NDOR1: variants seen among roughly 807,000 people sequenced by gnomAD.
NDOR1 encodes NADPH-dependent diflavin oxidoreductase 1.
In NDOR1, 61 loss-of-function variants were observed where a neutral mutation model predicts 67.2. The ratio of observed to expected loss-of-function variants is 0.91; its 90% CI spans 0.74 to 1.12. The LOEUF (loss-of-function observed/expected upper bound fraction) is 1.12. Among genes scored for constraint, NDOR1 ranks in the 50% most tolerant of loss-of-function variants. NDOR1 has a pLI of 0.00. For synonymous variants in NDOR1, 378 were observed against 343.7 expected, an observed-to-expected ratio of 1.10 and a Z score of -1.10; for missense variants, 878 against 802.8, an observed-to-expected ratio of 1.09 and a Z score of -1.13.
intron 2 of NDOR1, among the ~76,000 whole-genome samples, chr9:137,210,370 G>A (rs544842644): frequency 2.9e-4 from 44 of 151,676 alleles, no homozygotes; most frequent in Middle Eastern, 3.4e-3. Flanking sequence ...CTGCAGGTGC[G>A]CACCACCACA....
chr9:137,218,236 C>G lies in NDOR1; in HGVS notation c.*1820C>G. 2.5e-6 allele frequency: 1 copy of G among 398,354 alleles called. No homozygotes were observed. The highest frequency in any genetic ancestry group is 4.4e-6 in the Non-Finnish European group (1 of 225,850). The allele number at this position is 398,354 out of a possible 1,614,324, so 24.7% of individuals were successfully genotyped here. A position where few individuals can be genotyped will look rare whatever the true frequency, so the allele number is the denominator to read the frequency against. ...GCCCGCTGTGCCGCCAGAAGACGCC[C>G]GTGCTGGAATGGGAGATCTGCCGGC... is the stretch of plus-strand genomic sequence containing the variant. On this transcript the variant is annotated 3_prime_UTR_variant, in exon 14 of 14. Transcript: ENST00000684003.
rs1320123713 is a variant in NDOR1, at chr9:137,215,535, C to G, written c.1288+14C>G. On this transcript the variant is annotated intron_variant, in intron 10 of 13. Coordinates refer to ENST00000684003, the MANE Select transcript of NDOR1 (RefSeq NM_014434.4). ...ACCCTGGGCAAGGTGACCCCTGCTC[C>G]CAGGGTGGGGGCCGTGGGCCCATAT... 3 of 1,612,714 alleles carry G rather than the reference C, an allele frequency of 1.9e-6. No individual in the cohort carries two copies. Among genetic ancestry groups the G allele is most frequent in the Non-Finnish European group, 2.5e-6 (3 of 1,179,736 alleles).
intron 2 of NDOR1, among the ~76,000 whole-genome samples, chr9:137,206,712 C>T (rs977308601): frequency 2.0e-5 from 3 of 152,162 alleles, no homozygotes; most frequent in Non-Finnish European, 4.4e-5. Context: ...TCCATCCTGG[C>T]AGAGTTCACA....
chr9:137,212,076 AC>A lies in NDOR1; in HGVS notation c.214-424del, dbSNP rs1835288108. On this transcript the variant is annotated intron_variant, in intron 2 of 13. Transcript: ENST00000684003. This position sits in a 1 kb window ranked among gnomAD's most constrained non-coding sequence, Gnocchi z 4.3. ...CTGAGTATAGGAGCCTCTGGGACAG[AC>A]CAACTCAGGGAGTGGAGGCCCACGC... Among the ~76,000 whole-genome samples, 1 of 152,102 alleles carries A rather than the reference AC, an allele frequency of 6.6e-6. No homozygotes were observed. Among genetic ancestry groups the A allele is most frequent in the African/African-American group, 2.4e-5 (1 of 41,422 alleles).
In NDOR1 at chr9:137,215,167, C is replaced by T. The variant is rs758365267; in HGVS notation, c.1138C>T (p.Arg380Trp). Residue 380 changes from arginine (R) to tryptophan (W), a missense_variant, in exon 9 of 14, where the codon CGG (arginine) becomes TGG (tryptophan). Coordinates refer to ENST00000684003, the MANE Select transcript of NDOR1 (RefSeq NM_014434.4). Reference sequence around the variant, plus strand: ...CCTGTTGGACCTCATCCCCGTTATCCGGCCGAGGGCCTTCTCCATCGCCTC... The same window carrying T: ...CCTGTTGGACCTCATCCCCGTTATCTGGCCGAGGGCCTTCTCCATCGCCTC... ...DYLLDLIPVI[R>W]PRAFSIASSL... The T allele has an allele frequency of 5.0e-6, 8 of 1,613,020 alleles. No individual in the cohort carries two copies. In the Admixed American group the frequency reaches 5.0e-5, roughly 10 times the overall value.
In NDOR1 at chr9:137,212,005, C is replaced by T. The variant is rs189476844; in HGVS notation, c.214-497C>T. Reference sequence around the variant, plus strand: ...GGGATGTGTCTCAGCGACACTGGAACCTCAGAGGGCCGAGTGTGAGAGCCC... The same window carrying T: ...GGGATGTGTCTCAGCGACACTGGAATCTCAGAGGGCCGAGTGTGAGAGCCC... On this transcript the variant is annotated intron_variant, in intron 2 of 13. Coordinates refer to ENST00000684003, the MANE Select transcript of NDOR1 (RefSeq NM_014434.4). This position sits in a 1 kb window ranked among gnomAD's most constrained non-coding sequence, Gnocchi z 4.3. 6.6e-6 allele frequency among the ~76,000 whole-genome samples: 1 copy of T among 152,238 alleles called. No homozygotes were observed. Among genetic ancestry groups the T allele is most frequent in the East Asian group, 1.9e-4 (1 of 5,174 alleles).
In NDOR1 at chr9:137,215,456, C is replaced by T. The variant is rs763861530; in HGVS notation, c.1223C>T (p.Thr408Ile). Residue 408 changes from threonine to isoleucine, a missense_variant, in exon 10 of 14, where the codon ACT becomes ATT. Thr to Ile is a moderately conservative substitution (Grantham distance 89). Transcript: ENST00000684003. ...CTCGTGGCTGTAGTGCAGTTCCAGACTCGCCTCAAGGAGCCCCGCCGGGGC... is the reference window on the plus strand; with the variant it reads ...CTCGTGGCTGTAGTGCAGTTCCAGATTCGCCTCAAGGAGCCCCGCCGGGGC... Reference protein sequence around the residue: ...QILVAVVQFQTRLKEPRRGLC... With the variant: ...QILVAVVQFQIRLKEPRRGLC... 1.2e-6 allele frequency: 2 copies of T among 1,613,416 alleles called. No individual in the cohort carries two copies. The highest frequency in any genetic ancestry group is 1.7e-6 in the Non-Finnish European group (2 of 1,179,960).
Position 137,214,979 on chromosome 9 carries a change from CT to C in NDOR1, c.1029del (p.Phe343LeufsTer49). 1.2e-6 allele frequency: 2 copies of C among 1,613,462 alleles called. No individual in the cohort carries two copies. The highest frequency in any genetic ancestry group is 1.7e-6 in the Non-Finnish European group (2 of 1,179,750). ...FSSAQGQEEL[F>X]EYCNRPRRTI... ...GTTCTGCCCAAGGCCAGGAGGAGCT[CT>C]TTGAATACTGCAACCGGCCCCGCAG... On this transcript the variant is annotated frameshift_variant, in exon 8 of 14. Coordinates refer to ENST00000684003, the MANE Select transcript of NDOR1 (RefSeq NM_014434.4). LOFTEE classifies it high-confidence loss of function.
Position 137,218,866 on chromosome 9 carries a change from G to C in NDOR1, c.*2450G>C. Reference sequence around the variant, plus strand: ...CACCAGCGCCCAAGGACAGCTCCTGGAGGAGGCCAGCCCAGCAGGAAAGTC... The same window carrying C: ...CACCAGCGCCCAAGGACAGCTCCTGCAGGAGGCCAGCCCAGCAGGAAAGTC... On this transcript the variant is annotated 3_prime_UTR_variant, in exon 14 of 14. Transcript: ENST00000684003. The C allele has an allele frequency of 2.6e-6, 1 of 380,432 alleles. No individual in the cohort carries two copies. The highest frequency in any genetic ancestry group is 4.7e-6 in the Non-Finnish European group (1 of 214,982). The allele number at this position is 380,432 out of a possible 1,614,324, so 23.6% of individuals were successfully genotyped here. A position where few individuals can be genotyped will look rare whatever the true frequency, so the allele number is the denominator to read the frequency against.
In NDOR1 at chr9:137,212,275, G is replaced by T. The variant is rs1416877183; in HGVS notation, c.214-227G>T. On this transcript the variant is annotated intron_variant, in intron 2 of 13. Transcript: ENST00000684003. This position sits in a 1 kb window ranked among gnomAD's most constrained non-coding sequence, Gnocchi z 4.3. Reference sequence around the variant, plus strand: ...GCACAGCAGGGTCTGGCTCCTGTGGGCAGGGTGGGACCTGGTCTCCCTAGA... The same window carrying T: ...GCACAGCAGGGTCTGGCTCCTGTGGTCAGGGTGGGACCTGGTCTCCCTAGA... Among the ~76,000 whole-genome samples the T allele has an allele frequency of 6.6e-6, 1 of 152,144 alleles. No homozygotes were observed. The highest frequency in any genetic ancestry group is 1.5e-5 in the Non-Finnish European group (1 of 68,004).
In NDOR1 at chr9:137,216,705, C is replaced by T. The variant is rs959854989; in HGVS notation, c.*289C>T. ...TCCCAGTCAAGGTGGTGGCCTGGGC[C>T]GCTCCACCTCACCGGTGCAGTGACC... On this transcript the variant is annotated 3_prime_UTR_variant, in exon 14 of 14. Coordinates refer to ENST00000684003, the MANE Select transcript of NDOR1 (RefSeq NM_014434.4). 2.7e-5 allele frequency: 13 copies of T among 474,642 alleles called. No individual in the cohort carries two copies. Among genetic ancestry groups the T allele is most frequent in the East Asian group, 4.0e-5 (1 of 25,056 alleles). The allele number at this position is 474,642 out of a possible 1,614,324, so 29.4% of individuals were successfully genotyped here.
At position 137,215,785 on chromosome 9, in the gene NDOR1, G is replaced by A. The variant is rs775944305; in HGVS notation, c.1415G>A (p.Arg472His). The A allele has an allele frequency of 1.0e-5, 16 of 1,596,146 alleles. No individual in the cohort carries two copies. The highest frequency in any genetic ancestry group is 2.2e-5 in the East Asian group (1 of 44,732). Residue 472 changes from arginine (R) to histidine (H), a missense_variant, in exon 11 of 14, where the codon CGT becomes CAT. Physicochemically the swap from Arg to His is conservative, Grantham distance 29. Transcript: ENST00000684003. ...CCCTTCCGAGCAGCCATCCAGGAGC[G>A]TGTGGCCCAGGGCCAGACTGGTGAG... Reference protein sequence around the residue: ...VAPFRAAIQERVAQGQTGNFL... With the variant: ...VAPFRAAIQEHVAQGQTGNFL...
rs374525491 is a variant in NDOR1 at position 137,215,188 on chromosome 9, G to A, written c.1159G>A (p.Ala387Thr). The A allele has an allele frequency of 4.1e-5, 66 of 1,611,854 alleles. No individual in the cohort carries two copies. The highest frequency in any genetic ancestry group is 3.3e-4 in the Middle Eastern group (2 of 6,060). ...TATCCGGCCGAGGGCCTTCTCCATC[G>A]CCTCCTCGCTGCTGGTGAGGGGCCT... ...PVIRPRAFSIASSLLTHPSRL... is the reference protein window; with the variant it reads ...PVIRPRAFSITSSLLTHPSRL... Residue 387 changes from alanine to threonine, a missense_variant, in exon 9 of 14, where the codon GCC becomes ACC. Transcript: ENST00000684003.
At chr9:137,213,737 C>G in intron 3 of NDOR1, 43 bp from the exon 4 acceptor site, 3 of 1,585,232 alleles carry the variant, frequency 1.9e-6, no homozygotes, top group Non-Finnish European at 2.6e-6. Flanking sequence ...GCACCACTCT[C>G]CGCCCGGGCT....
Position 137,216,422 on chromosome 9 carries a change from G to A in NDOR1, c.*6G>A, listed in dbSNP as rs534074982. 6.3e-5 allele frequency: 100 copies of A among 1,596,550 alleles called. No homozygotes were observed. Among genetic ancestry groups the A allele is most frequent in the Middle Eastern group, 1.7e-4 (1 of 5,846 alleles). On this transcript the variant is annotated 3_prime_UTR_variant, in exon 14 of 14. Transcript: ENST00000684003. ...AGACAGAGACGTGGGCCTGAGGCCC[G>A]CGGCTGCCCGTGCCCCCTCTGACAG...
chr9:137,213,546 G>A (rs1313052342), intron 3 of NDOR1, among the ~76,000 whole-genome samples: 1 of 152,198 alleles, frequency 6.6e-6, no homozygotes, highest in Non-Finnish European at 1.5e-5. Context: ...TTCTCTGCGA[G>A]CAGAGGACCT....
chr9:137,205,865 C>G lies in NDOR1; in HGVS notation c.88C>G (p.Arg30Gly), dbSNP rs113809617. 214,366 of 1,600,490 alleles carry G rather than the reference C, an allele frequency of 0.13. 15,018 individuals are homozygous for G. Among genetic ancestry groups the G allele is most frequent in the East Asian group, 0.18 (7,878 of 44,786 alleles). The change falls in exon 1 of 14, where the codon CGC (arginine) becomes GGC (glycine). Residue 30 changes from arginine to glycine, a missense_variant. Physicochemically the swap from Arg to Gly is moderately radical, Grantham distance 125. Coordinates refer to ENST00000684003, the MANE Select transcript of NDOR1 (RefSeq NM_014434.4). ...GGAGAGACTGGGTCGCGAGGCCCGGCGCCGGCGGCTTGGCTGCCGGGTGCA... is the reference window on the plus strand; with the variant it reads ...GGAGAGACTGGGTCGCGAGGCCCGGGGCCGGCGGCTTGGCTGCCGGGTGCA... Reference protein sequence around the residue: ...VSERLGREARRRRLGCRVQAL... With the variant: ...VSERLGREARGRRLGCRVQAL...
intron 2 of NDOR1, 75 bp downstream of exon 2, chr9:137,206,384 G>A (rs952230674): frequency 2.7e-6 from 4 of 1,461,680 alleles, no homozygotes; most frequent in Middle Eastern, 1.8e-4. Context: ...TGGCGTCTAG[G>A]TGCAGTAAAT....
chr9:137,213,764 C>G lies in NDOR1; in HGVS notation c.312-16C>G, dbSNP rs370353548. ...GCCCGGGCTCCAGCCCAGGACCAGC[C>G]TCACTGTCTCCACAGGTTCAACTTC... On this transcript the variant is annotated splice_polypyrimidine_tract_variant and intron_variant, in intron 3 of 13. Transcript: ENST00000684003. 8 of 1,611,694 alleles carry G rather than the reference C, an allele frequency of 5.0e-6. No homozygotes were observed. In the East Asian group the frequency reaches 1.8e-4, roughly 36 times the overall value.
Sources: allele counts gnomAD v4.1 joint callset (sites outside exome capture counted in the v4.1 genomes callset), GRCh38; gene constraint gnomAD v4.1.1; non-coding constraint Gnocchi (gnomAD v3.1); transcripts MANE v1.5; gene names NCBI Gene and HGNC (gene_info 2026-07-23, HGNC 2026-07-21).